FBXO36: variants seen among roughly 807,000 people sequenced by gnomAD.
FBXO36 encodes the protein F-box only protein 36.
Under a neutral mutation model 17.0 loss-of-function variants are expected in FBXO36, and 18 were observed. The observed-to-expected ratio is 1.06, with a 90% CI of 0.73 to 1.57. The LOEUF (loss-of-function observed/expected upper bound fraction) is 1.57. Ranked by LOEUF, FBXO36 falls within the 40% of genes most tolerant of loss-of-function variation. FBXO36 has a pLI of 0.00. For missense variants in FBXO36, 229 were observed against 221.9 expected, an observed-to-expected ratio of 1.03 and a Z score of -0.20; for synonymous variants, 83 against 85.3, an observed-to-expected ratio of 0.97 and a Z score of 0.15.
At chr2:229,980,938 A>G (rs892889461) in intron 2 of FBXO36, among the ~76,000 whole-genome samples, 1 of 152,130 alleles carries the variant, frequency 6.6e-6, no homozygotes, top group Non-Finnish European at 1.5e-5. Flanking sequence ...TCTAAGGGGA[A>G]AACTCCAAAC....
chr2:229,943,797 G>T (rs377147641), intron 1 of FBXO36, among the ~76,000 whole-genome samples: 6 of 152,162 alleles, frequency 3.9e-5, no homozygotes, highest in African/African-American at 1.4e-4. Flanking sequence ...GTGTCTGTTT[G>T]CTGAATGAGA....
At chr2:229,999,585 C>T (rs973564021) in intron 3 of FBXO36, among the ~76,000 whole-genome samples, 3 of 149,420 alleles carry the variant, frequency 2.0e-5, no homozygotes, top group Non-Finnish European at 4.4e-5. Flanking sequence ...ATTGTGTTGC[C>T]CAGGTTGCTC....
intron 1 of FBXO36, among the ~76,000 whole-genome samples, chr2:229,975,882 A>T (rs1442354896): frequency 6.6e-6 from 1 of 151,846 alleles, no homozygotes; most frequent in Admixed American, 6.6e-5. Context: ...ATCTCGGCTC[A>T]CTGCAACCTC....
chr2:230,008,351 C>T (rs1394406491), intron 3 of FBXO36, among the ~76,000 whole-genome samples: 1 of 152,106 alleles, frequency 6.6e-6, no homozygotes, highest in Admixed American at 6.6e-5. Flanking sequence ...AATTCATGCA[C>T]CACCACCGGG....
chr2:229,988,019 G>A (rs978346819), intron 2 of FBXO36, among the ~76,000 whole-genome samples: 9 of 151,992 alleles, frequency 5.9e-5, no homozygotes, highest in African/African-American at 1.9e-4. Flanking sequence ...GATAACTTGC[G>A]TCTTTATTCT....
At chr2:229,982,778 C>A (rs1470843422) in intron 2 of FBXO36, among the ~76,000 whole-genome samples, 35 of 78,704 alleles carry the variant, frequency 4.4e-4, no homozygotes, top group African/African-American at 1.4e-3. Flanking sequence ...GAGCTTGTCT[C>A]AAAAAAAAAA....
chr2:229,962,824 T>C (rs866410682), intron 1 of FBXO36, among the ~76,000 whole-genome samples: 32 of 151,040 alleles, frequency 2.1e-4, no homozygotes, highest in African/African-American at 7.6e-4. Context: ...ATTATAGGCA[T>C]GCACCACCAC....
chr2:229,961,717 TC>T (rs1222613019), intron 1 of FBXO36, among the ~76,000 whole-genome samples: 7 of 152,096 alleles, frequency 4.6e-5, no homozygotes, highest in Non-Finnish European at 8.8e-5. Flanking sequence ...TTGTCCTCTT[TC>T]CCCGAAAAAG....
intron 1 of FBXO36, among the ~76,000 whole-genome samples, chr2:229,957,902 A>G (rs1326751876): frequency 3.9e-5 from 6 of 152,216 alleles, no homozygotes; most frequent in African/African-American, 1.2e-4. Flanking sequence ...TTTTACTACT[A>G]GATTACAGTT....
intron 3 of FBXO36, among the ~76,000 whole-genome samples, chr2:230,000,477 G>T (rs2077352567): frequency 6.6e-6 from 1 of 151,298 alleles, no homozygotes; most frequent in Non-Finnish European, 1.5e-5. Context: ...CTGCGCTGTT[G>T]CAGGGCCTGG....
chr2:229,968,742 A>G (rs1424701662), intron 1 of FBXO36, among the ~76,000 whole-genome samples: 1 of 152,048 alleles, frequency 6.6e-6, no homozygotes. Flanking sequence ...TGCTGGGATT[A>G]CAAGCATGAG....
rs975257695 is a variant in FBXO36, at chr2:230,011,072, G to A, written c.*188G>A. 3.0e-5 allele frequency: 18 copies of A among 591,764 alleles called. No individual in the cohort carries two copies. Among genetic ancestry groups the A allele is most frequent in the East Asian group, 6.1e-5 (2 of 32,718 alleles). 36.7% of individuals were successfully genotyped at this position (591,764 alleles called of 1,614,324 possible). A position where few individuals can be genotyped will look rare whatever the true frequency, so the allele number is the denominator to read the frequency against. On this transcript the variant is annotated 3_prime_UTR_variant, in exon 4 of 4. Coordinates refer to ENST00000283946, the MANE Select transcript of FBXO36 (RefSeq NM_174899.5). ...TCCCCAGTGCCTTGCTAGAGTCACC[G>A]TCATTCTGAGGTCAAATCATGGCCC...
At chr2:230,009,981 G>T (rs938604272) in intron 3 of FBXO36, among the ~76,000 whole-genome samples, 5 of 150,570 alleles carry the variant, frequency 3.3e-5, no homozygotes, top group Admixed American at 2.7e-4. Context: ...AATAGATAAG[G>T]CTGGGCACAG....
chr2:229,932,426 A>G (rs59218538), intron 1 of FBXO36, among the ~76,000 whole-genome samples: 1,725 of 152,254 alleles, frequency 0.011, 31 homozygotes, highest in African/African-American at 0.04. Flanking sequence ...GGGCTGAGGC[A>G]GGAGAATCAC....
chr2:229,956,775 C>T (rs1045150461), intron 1 of FBXO36, among the ~76,000 whole-genome samples: 3 of 152,132 alleles, frequency 2.0e-5, no homozygotes, highest in African/African-American at 7.2e-5. Context: ...GGACAAGAGA[C>T]AGAAGGCCAG....
chr2:229,966,211 C>A (rs1056002793), intron 1 of FBXO36, among the ~76,000 whole-genome samples: 1 of 152,160 alleles, frequency 6.6e-6, no homozygotes, highest in African/African-American at 2.4e-5. Flanking sequence ...CCTTCGCCCA[C>A]TTGTTAATGG....
intron 1 of FBXO36, among the ~76,000 whole-genome samples, chr2:229,925,903 T>G (rs947714013): frequency 3.9e-5 from 6 of 152,106 alleles, no homozygotes; most frequent in Non-Finnish European, 8.8e-5. Flanking sequence ...ACTTTTGGAT[T>G]ACAGCTTGGG....
intron 3 of FBXO36, among the ~76,000 whole-genome samples, chr2:230,009,635 G>C (rs1364730138): frequency 6.6e-6 from 1 of 152,274 alleles, no homozygotes; most frequent in East Asian, 1.9e-4. Flanking sequence ...GGTGATGGTA[G>C]AGGGAGAAAG....
At chr2:229,997,535 G>A (rs1290615433) in intron 3 of FBXO36, among the ~76,000 whole-genome samples, 1 of 149,344 alleles carries the variant, frequency 6.7e-6, no homozygotes, top group African/African-American at 2.5e-5. Flanking sequence ...CCAAGATCTC[G>A]CCACTGAACT....
Sources: gnomAD v4.1 joint callset for allele counts (sites outside exome capture counted in the v4.1 genomes callset) on GRCh38, gnomAD v4.1.1 for gene constraint, MANE v1.5 for transcripts, NCBI Gene and HGNC (gene_info 2026-07-23, HGNC 2026-07-21) for gene names.